PPFIA2: variants seen among roughly 807,000 people sequenced by gnomAD.
PPFIA2 encodes the protein liprin-alpha-2.
Under a neutral mutation model 175.5 loss-of-function variants are expected in PPFIA2, and 46 were observed. The ratio of observed to expected loss-of-function variants is 0.26; its 90% CI spans 0.21 to 0.34. PPFIA2 has a LOEUF of 0.34. Ranked by LOEUF, PPFIA2 falls within the 10% of genes least tolerant of loss-of-function variation. The pLI is 1.00. For missense variants in PPFIA2, 1,179 were observed against 1,506.1 expected (o/e 0.78, Z 3.60); for synonymous variants, 568 against 511.4 (o/e 1.11, Z -1.49).
chr12:81,514,074 C>A (rs1245630297), intron 4 of PPFIA2, among the ~76,000 whole-genome samples: 5 of 151,894 alleles, frequency 3.3e-5, no homozygotes, highest in African/African-American at 1.2e-4. Context: ...GGAATTGTTA[C>A]AACAGACAAA....
chr12:81,692,967 T>C (rs1364902190), intron 3 of PPFIA2, among the ~76,000 whole-genome samples: 2 of 152,240 alleles, frequency 1.3e-5, no homozygotes, highest in Admixed American at 6.5e-5. Context: ...TTGACAATAA[T>C]GTTTAAAAAG....
chr12:81,504,847 A>G (rs1391464958), intron 4 of PPFIA2, among the ~76,000 whole-genome samples: 1 of 152,180 alleles, frequency 6.6e-6, no homozygotes, highest in African/African-American at 2.4e-5. Context: ...CTTTGCAGGG[A>G]CATGGATGAA....
At chr12:81,406,447 T>C (rs533221615) in intron 7 of PPFIA2, among the ~76,000 whole-genome samples, 16 of 152,230 alleles carry the variant, frequency 1.1e-4, no homozygotes, top group South Asian at 1.0e-3. Context: ...TTTGTTTTAT[T>C]ATTATAATTT....
chr12:81,519,125 C>T (rs555097899), intron 4 of PPFIA2, among the ~76,000 whole-genome samples: 7 of 152,146 alleles, frequency 4.6e-5, no homozygotes, highest in South Asian at 4.1e-4. Context: ...AATCTCCTAC[C>T]TTTTAAATGG....
chr12:81,339,894 T>A (rs2057768499), intron 20 of PPFIA2, among the ~76,000 whole-genome samples: 1 of 152,122 alleles, frequency 6.6e-6, no homozygotes, highest in African/African-American at 2.4e-5. Flanking sequence ...GTGATCAATG[T>A]ATGTGTTTTC....
intron 4 of PPFIA2, among the ~76,000 whole-genome samples, chr12:81,603,535 ATTACT>A (rs1201274670): frequency 1.3e-5 from 2 of 151,686 alleles, no homozygotes; most frequent in African/African-American, 2.4e-5. Context: ...TTTTTGAAAA[ATTACT>A]TTAAGAGCAT....
At chr12:81,325,382 G>GTTTCT (rs1488683062) in intron 22 of PPFIA2, among the ~76,000 whole-genome samples, 1 of 152,030 alleles carries the variant, frequency 6.6e-6, no homozygotes, top group African/African-American at 2.4e-5. Flanking sequence ...TCAGAGAAAT[G>GTTTCT]TTTCTCCTTT....
At chr12:81,518,444 AC>A (rs1205557375) in intron 4 of PPFIA2, among the ~76,000 whole-genome samples, 1 of 152,192 alleles carries the variant, frequency 6.6e-6, no homozygotes, top group Non-Finnish European at 1.5e-5. Flanking sequence ...AGCTAGGAGT[AC>A]CAAATCCACT....
intron 3 of PPFIA2, among the ~76,000 whole-genome samples, chr12:81,714,658 T>C (rs960958110): frequency 2.1e-4 from 31 of 151,042 alleles, no homozygotes; most frequent in South Asian, 6.2e-4. Flanking sequence ...TGGGAAGATA[T>C]GAAAGTGGTT....
chr12:81,373,568 C>T (rs1489049466), intron 11 of PPFIA2, among the ~76,000 whole-genome samples: 2 of 151,996 alleles, frequency 1.3e-5, no homozygotes, highest in African/African-American at 2.4e-5. Context: ...CTAGTTACTC[C>T]AACACTCTGT....
Position 81,604,709 on chromosome 12 carries a change from C to A in PPFIA2, c.303+72082G>T, listed in dbSNP as rs1306984839. ...CTTTACGTGAAGGGTAAATAACATA[C>A]CCATTTTAATCGCTACAGACAGACC... On this transcript the variant is annotated intron_variant, in intron 4 of 32. Coordinates refer to ENST00000549396, the MANE Select transcript of PPFIA2 (RefSeq NM_003625.5). Among the ~76,000 whole-genome samples the A allele has an allele frequency of 2.6e-5, 4 of 151,534 alleles. No individual in the cohort carries two copies. In the East Asian group the frequency reaches 7.7e-4, roughly 29 times the overall value.
chr12:81,675,635 G>A (rs1243130704), intron 4 of PPFIA2: 1 of 151,976 alleles, frequency 6.6e-6, no homozygotes, highest in Non-Finnish European at 1.5e-5. Context: ...GATGTAAGTT[G>A]AATTCTATGG....
chr12:81,277,605 G>T (rs1034161682), intron 27 of PPFIA2, among the ~76,000 whole-genome samples, 191 bp from the exon 28 acceptor site: 4 of 151,938 alleles, frequency 2.6e-5, no homozygotes, highest in Non-Finnish European at 5.9e-5. Context: ...AAAATGTTTC[G>T]AAGTAATAGA....
At chr12:81,282,403 C>T (rs1253863138) in intron 26 of PPFIA2, among the ~76,000 whole-genome samples, 1 of 151,994 alleles carries the variant, frequency 6.6e-6, no homozygotes, top group Non-Finnish European at 1.5e-5. Context: ...CAAATTTTTT[C>T]TTATATTGAA....
chr12:81,661,055 C>A (rs949183473), intron 4 of PPFIA2, among the ~76,000 whole-genome samples: 2 of 152,178 alleles, frequency 1.3e-5, no homozygotes, highest in African/African-American at 4.8e-5. Context: ...AAGCACTAAA[C>A]ATGGAAAGGA....
chr12:81,345,890 T>C (rs979247547), intron 18 of PPFIA2, among the ~76,000 whole-genome samples: 25 of 152,306 alleles, frequency 1.6e-4, no homozygotes, highest in Middle Eastern at 3.4e-3. Context: ...TCTCAGCACA[T>C]TGGCTAAAAG....
chr12:81,449,092 T>G (rs926824974), intron 5 of PPFIA2, among the ~76,000 whole-genome samples: 3 of 152,196 alleles, frequency 2.0e-5, no homozygotes, highest in Non-Finnish European at 2.9e-5. Context: ...TGATTCACCT[T>G]GTAGATATCA....
intron 7 of PPFIA2, among the ~76,000 whole-genome samples, chr12:81,436,772 G>A (rs2049135704): frequency 6.6e-6 from 1 of 152,076 alleles, no homozygotes; most frequent in African/African-American, 2.4e-5. Flanking sequence ...AATCACTATT[G>A]ATAAGTGATT....
At chr12:81,528,169 G>C (rs1183628153) in intron 4 of PPFIA2, among the ~76,000 whole-genome samples, 1 of 151,998 alleles carries the variant, frequency 6.6e-6, no homozygotes, top group Non-Finnish European at 1.5e-5. Context: ...GAATGAGAGA[G>C]TGCCATTGAT....
Sources: gnomAD v4.1 joint callset for allele counts (sites outside exome capture counted in the v4.1 genomes callset) on GRCh38, gnomAD v4.1.1 for gene constraint, MANE v1.5 for transcripts, NCBI Gene and HGNC (gene_info 2026-07-23, HGNC 2026-07-21) for gene names.